The following LRRC20 variants were observed in gnomAD, a reference collection of about 807,000 sequenced individuals.
The protein encoded by LRRC20 is leucine-rich repeat-containing protein 20.
A neutral mutation model predicts 14.4 loss-of-function variants in LRRC20; 11 were observed. The observed-to-expected ratio is 0.77, with a 90% CI of 0.48 to 1.27. The LOEUF is 1.27. Ranked by LOEUF, LRRC20 falls within the 50% of genes most tolerant of loss-of-function variation. LRRC20 has a pLI of 0.00. For missense variants in LRRC20, 219 were observed against 251.2 expected (o/e 0.87, Z 0.87); for synonymous variants, 121 against 107.3 (o/e 1.13, Z -0.79).
intron 4 of LRRC20, among the ~76,000 whole-genome samples, chr10:70,319,111 T>C (rs1841981618): frequency 6.6e-6 from 1 of 151,272 alleles, no homozygotes; most frequent in Admixed American, 6.6e-5. Flanking sequence ...CCAACTTAAA[T>C]TCTTAATGAA....
chr10:70,369,625 A>C (rs895036685), intron 2 of LRRC20, among the ~76,000 whole-genome samples: 8 of 151,320 alleles, frequency 5.3e-5, no homozygotes, highest in East Asian at 1.9e-4. Flanking sequence ...AAAAAAAAAA[A>C]AAAAAAAACC....
intron 4 of LRRC20, among the ~76,000 whole-genome samples, chr10:70,307,480 T>C (rs1479179795): frequency 2.0e-5 from 3 of 152,254 alleles, no homozygotes; most frequent in African/African-American, 7.2e-5. Flanking sequence ...TCAAAGAGGC[T>C]GCTGACCCGT....
intron 2 of LRRC20, among the ~76,000 whole-genome samples, chr10:70,358,375 G>C (rs1018302941): frequency 6.6e-6 from 1 of 152,178 alleles, no homozygotes; most frequent in Admixed American, 6.5e-5. Context: ...AGCACCCTGG[G>C]GATAGAGGGC....
chr10:70,355,860 G>A (rs967948191), intron 2 of LRRC20, among the ~76,000 whole-genome samples: 2 of 149,078 alleles, frequency 1.3e-5, no homozygotes, highest in African/African-American at 5.0e-5. Flanking sequence ...GAGAGCAGCC[G>A]CACGCTCAGA....
chr10:70,356,364 T>C (rs1329808366), intron 2 of LRRC20, among the ~76,000 whole-genome samples: 1 of 151,860 alleles, frequency 6.6e-6, no homozygotes, highest in Non-Finnish European at 1.5e-5. Flanking sequence ...ATACAAAAAG[T>C]AGCTGGGTGT....
rs748959504 is a variant in LRRC20, at chr10:70,323,845, T to C, written c.400+18A>G. 2.5e-6 allele frequency: 4 copies of C among 1,613,434 alleles called. No individual in the cohort carries two copies. In the East Asian group the frequency reaches 6.7e-5, roughly 27 times the overall value. On this transcript the variant is annotated intron_variant, in intron 4 of 4. Transcript: ENST00000446961. ...CCTCGTGCAGCAGCCCAGGGCCAGG[T>C]GGGCCAGGCCCACTCACCTACGATC...
Position 70,358,909 on chromosome 10 carries a change from C to T in LRRC20, c.82+17543G>A, listed in dbSNP as rs141194747. On this transcript the variant is annotated intron_variant, in intron 2 of 4. Transcript: ENST00000446961. ...CGCACCCAGTACAGCGCTGGGCAAA[C>T]GCTCTGAACATAGTTACACCCCTCA... Among the ~76,000 whole-genome samples the T allele has an allele frequency of 2.1e-3, 327 of 152,314 alleles. 1 individual carries two copies. The highest frequency in any genetic ancestry group is 2.9e-3 in the Non-Finnish European group (196 of 68,034).
At chr10:70,320,775 G>A (rs1842048573) in intron 4 of LRRC20, among the ~76,000 whole-genome samples, 1 of 152,206 alleles carries the variant, frequency 6.6e-6, no homozygotes, top group Non-Finnish European at 1.5e-5. Flanking sequence ...GAGCACCAAG[G>A]TCAGGTACCA....
intron 1 of LRRC20, among the ~76,000 whole-genome samples, chr10:70,379,071 C>A (rs1844612910): frequency 6.6e-6 from 1 of 152,208 alleles, no homozygotes; most frequent in Admixed American, 6.5e-5. Context: ...TAGTTAGTAT[C>A]CCCTAATGGT....
chr10:70,300,455 C>T lies in LRRC20; in HGVS notation c.*899G>A. The T allele has an allele frequency of 2.0e-6, 2 of 985,600 alleles. No individual in the cohort carries two copies. The highest frequency in any genetic ancestry group is 1.2e-6 in the Non-Finnish European group (1 of 830,074). The allele number at this position is 985,600 out of a possible 1,614,324, so 61.1% of individuals were successfully genotyped here. On this transcript the variant is annotated 3_prime_UTR_variant, in exon 5 of 5. Coordinates refer to ENST00000446961, the MANE Select transcript of LRRC20 (RefSeq NM_001278212.2). Reference sequence around the variant, plus strand: ...CTACAAATCCCGTGGTCCACATCGCCTTCTGCCCCCAGGAGGCCATGACAA... The same window carrying T: ...CTACAAATCCCGTGGTCCACATCGCTTTCTGCCCCCAGGAGGCCATGACAA...
rs1349660132 is a variant in LRRC20, at chr10:70,382,579, C to A, written c.-94G>T. The A allele has an allele frequency of 6.6e-6, 1 of 151,774 alleles. No homozygotes were observed. Among genetic ancestry groups the A allele is most frequent in the African/African-American group, 2.4e-5 (1 of 41,396 alleles). The allele number at this position is 151,774 out of a possible 1,614,324, so 9.4% of individuals were successfully genotyped here. On this transcript the variant is annotated 5_prime_UTR_variant, in exon 1 of 5. Coordinates refer to ENST00000446961, the MANE Select transcript of LRRC20 (RefSeq NM_001278212.2). ...CAATGCCTCCTAGCGCCCTGCGCAG[C>A]GCAGTCACGCTCCCTCCGCCGCCGG...
intron 4 of LRRC20, among the ~76,000 whole-genome samples, chr10:70,323,381 C>A (rs566369475): frequency 6.6e-6 from 1 of 152,178 alleles, no homozygotes; most frequent in Non-Finnish European, 1.5e-5. Flanking sequence ...GGTGAGGGCC[C>A]TGGCAGGCTG....
chr10:70,301,231 C>T lies in LRRC20; in HGVS notation c.*123G>A. On this transcript the variant is annotated 3_prime_UTR_variant, in exon 5 of 5. Transcript: ENST00000446961. ...ATCCAGACCAGCTGCACCCCACCCA[C>T]CACGTGCTGCTCGGCCCACCCGCCC... The T allele has an allele frequency of 6.9e-7, 1 of 1,456,680 alleles. No individual in the cohort carries two copies. The highest frequency in any genetic ancestry group is 1.4e-5 in the South Asian group (1 of 70,732). 90.2% of individuals were successfully genotyped at this position (1,456,680 alleles called of 1,614,324 possible). A position where few individuals can be genotyped will look rare whatever the true frequency, so the allele number is the denominator to read the frequency against.
intron 4 of LRRC20, among the ~76,000 whole-genome samples, chr10:70,303,587 A>G (rs1841295873): frequency 6.6e-6 from 1 of 152,230 alleles, no homozygotes; most frequent in South Asian, 2.1e-4. Flanking sequence ...TAACTTACAT[A>G]AGATACTAGG....
At chr10:70,306,225 A>T (rs1841420964) in intron 4 of LRRC20, among the ~76,000 whole-genome samples, 1 of 151,796 alleles carries the variant, frequency 6.6e-6, no homozygotes, top group Non-Finnish European at 1.5e-5. Flanking sequence ...GAATTGGGAC[A>T]TTCTCTTACA....
At chr10:70,360,389 C>G (rs1195613584) in intron 2 of LRRC20, among the ~76,000 whole-genome samples, 1 of 151,284 alleles carries the variant, frequency 6.6e-6, no homozygotes, top group African/African-American at 2.4e-5. Flanking sequence ...TCCTCCCCAT[C>G]TCCCTCCTCC....
chr10:70,356,906 T>C (rs1250811652), intron 2 of LRRC20, among the ~76,000 whole-genome samples: 1 of 152,074 alleles, frequency 6.6e-6, no homozygotes, highest in East Asian at 1.9e-4. Flanking sequence ...TGTATATAAA[T>C]GTTCACAGCA....
chr10:70,311,933 G>A (rs1439662591), intron 4 of LRRC20, among the ~76,000 whole-genome samples: 4 of 152,168 alleles, frequency 2.6e-5, no homozygotes, highest in Admixed American at 6.5e-5. Context: ...GCTTGCCCCC[G>A]TCTCACTAAT....
intron 3 of LRRC20, among the ~76,000 whole-genome samples, chr10:70,334,149 TAA>T (rs71472955): frequency 1.8e-4 from 26 of 142,642 alleles, no homozygotes; most frequent in East Asian, 2.0e-4. Context: ...GACTCCATCT[TAA>T]AAAAAAAAAA....
Sources: gnomAD v4.1 joint callset for allele counts (sites outside exome capture counted in the v4.1 genomes callset) on GRCh38, gnomAD v4.1.1 for gene constraint, MANE v1.5 for transcripts, NCBI Gene and HGNC (gene_info 2026-07-23, HGNC 2026-07-21) for gene names.